The following ATG4A variants were observed in gnomAD, a reference collection of about 807,000 sequenced individuals.
ATG4A encodes the protein autophagy related 4A cysteine peptidase.
A neutral mutation model predicts 38.4 loss-of-function variants in ATG4A; 22 were observed. That is an observed-to-expected ratio of 0.57 (90% CI 0.41 to 0.82). The LOEUF (loss-of-function observed/expected upper bound fraction) is 0.82. Among genes scored for constraint, ATG4A ranks in the 40% least tolerant of loss-of-function variants. The pLI, the probability that ATG4A is intolerant of heterozygous loss-of-function variation, is 0.00. For synonymous variants in ATG4A, 86 were observed against 100.7 expected (o/e 0.85, Z 0.88); for missense variants, 220 against 290.0 (o/e 0.76, Z 1.75).
At chrX:108,151,941 A>G in intron 11 of ATG4A, 83 bp downstream of exon 11, 1 of 911,262 alleles carries the variant, frequency 1.1e-6, no homozygotes, top group Non-Finnish European at 1.5e-6. Flanking sequence ...ATAGTAAAAA[A>G]AAATCCTACT....
rs1363058118 is a variant in ATG4A, at chrX:108,150,268, A to G, written c.931A>G (p.Ile311Val). ...HCLQSPQRMN[I>V]LNLDPSVALG... Reference sequence around the variant, plus strand: ...CCTGCAGTCCCCACAGCGAATGAACATCCTAAACCTGGATCCTTCAGTTGC... The same window carrying G: ...CCTGCAGTCCCCACAGCGAATGAACGTCCTAAACCTGGATCCTTCAGTTGC... The change falls in exon 10 of 13, where the codon ATC (isoleucine) becomes GTC (valine). Residue 311 changes from isoleucine (I) to valine (V), a missense_variant. By Grantham distance (29) the Ile-to-Val change is conservative. Around this residue, in one of 3 missense-constraint regions of ATG4A, gnomAD observed 159 missense variants for 188.9 expected, o/e 0.84. Transcript: ENST00000372232. 1 of 1,212,209 alleles carries G rather than the reference A, an allele frequency of 8.2e-7. No individual in the cohort carries two copies. Among genetic ancestry groups the G allele is most frequent in the Non-Finnish European group, 1.1e-6 (1 of 895,598 alleles).
At chrX:108,098,178 A>T (rs887376547) in intron 1 of ATG4A, among the ~76,000 whole-genome samples, 5 of 110,835 alleles carry the variant, frequency 4.5e-5, no homozygotes, top group Non-Finnish European at 9.5e-5. Context: ...CCGTGTTTTG[A>T]TCCCACATGT....
intron 1 of ATG4A, among the ~76,000 whole-genome samples, chrX:108,109,410 T>C (rs1327205580): frequency 8.9e-6 from 1 of 112,251 alleles, no homozygotes; most frequent in East Asian, 2.8e-4. Flanking sequence ...ACATATTTTC[T>C]CCCATTCTGG....
At chrX:108,129,278 A>G (rs772557378) in intron 3 of ATG4A, among the ~76,000 whole-genome samples, 3 of 112,481 alleles carry the variant, frequency 2.7e-5, no homozygotes, top group Admixed American at 9.4e-5. Flanking sequence ...TATGACATGA[A>G]AGCACCTTGC....
At chrX:108,148,701 G>A (rs1474607965) in intron 9 of ATG4A, among the ~76,000 whole-genome samples, 1 of 111,554 alleles carries the variant, frequency 9.0e-6, no homozygotes, top group Non-Finnish European at 1.9e-5. Flanking sequence ...CCTTTCTGTG[G>A]TCTTAGGTAG....
At chrX:108,124,652 A>G (rs1375522020) in intron 1 of ATG4A, among the ~76,000 whole-genome samples, 2 of 110,599 alleles carry the variant, frequency 1.8e-5, no homozygotes, top group East Asian at 5.7e-4. Context: ...GGGTTTCACC[A>G]TGTTGGCCAG....
At chrX:108,089,617 C>T (rs1468923042), upstream of ATG4A, among the ~76,000 whole-genome samples, 2 of 111,019 alleles carry the variant, frequency 1.8e-5, no homozygotes, top group Non-Finnish European at 3.8e-5. Flanking sequence ...GCAGATCACC[C>T]GAGGTCAGGA....
intron 2 of ATG4A, 22 bp downstream of exon 2, chrX:108,126,209 C>G: frequency 9.0e-7 from 1 of 1,112,970 alleles, no homozygotes; most frequent in South Asian, 1.9e-5. Context: ...TAGCATTTGT[C>G]TGTAAGAACC....
At chrX:108,100,065 T>C (rs1349214132) in intron 1 of ATG4A, among the ~76,000 whole-genome samples, 1 of 111,914 alleles carries the variant, frequency 8.9e-6, no homozygotes, top group Admixed American at 9.4e-5. Context: ...ATCTTTACTA[T>C]GCTGAGTCTT....
chrX:108,143,762 A>G, intron 9 of ATG4A: 1 of 224,010 alleles, frequency 4.5e-6, no homozygotes, highest in Non-Finnish European at 8.4e-6. Flanking sequence ...TTGCTGGTGG[A>G]TCACTGGGGC....
Position 108,134,333 on chromosome X carries a change from A to C in ATG4A, c.395-6A>C. The stretch of plus-strand genomic sequence containing the variant: ...AACATGTTATTTTTTTCCACATTAA[A>C]AACAGCACAAATGGGTGTAGGAGAA... On this transcript the variant is annotated splice_region_variant and splice_polypyrimidine_tract_variant and intron_variant, in intron 5 of 12. Coordinates refer to ENST00000372232, the MANE Select transcript of ATG4A (RefSeq NM_052936.5). The C allele has an allele frequency of 8.3e-7, 1 of 1,207,316 alleles. No homozygotes were observed. Among genetic ancestry groups the C allele is most frequent in the Non-Finnish European group, 1.1e-6 (1 of 893,715 alleles).
At chrX:108,105,530 A>G (rs1187057696) in intron 1 of ATG4A, among the ~76,000 whole-genome samples, 2 of 110,929 alleles carry the variant, frequency 1.8e-5, no homozygotes, top group Non-Finnish European at 3.8e-5. Context: ...TGAGACCTAT[A>G]CTAGTACCTT....
intron 1 of ATG4A, among the ~76,000 whole-genome samples, chrX:108,124,387 G>A (rs1049892820): frequency 8.9e-6 from 1 of 112,332 alleles, no homozygotes; most frequent in East Asian, 2.8e-4. Context: ...TTGAATGACT[G>A]GAATTCTGTA....
intron 10 of ATG4A, among the ~76,000 whole-genome samples, chrX:108,151,017 T>G (rs1298031225): frequency 1.8e-5 from 2 of 112,315 alleles, no homozygotes; most frequent in South Asian, 3.7e-4. Flanking sequence ...TCTATAAATG[T>G]TAGTTACTCT....
chrX:108,133,027 A>AT (rs2033004436), intron 4 of ATG4A, among the ~76,000 whole-genome samples: 1 of 112,358 alleles, frequency 8.9e-6, no homozygotes, highest in African/African-American at 3.2e-5. Flanking sequence ...CCAGCTAATT[A>AT]GGATTTCCCC....
intron 12 of ATG4A, among the ~76,000 whole-genome samples, chrX:108,153,374 A>G (rs1267448139): frequency 8.9e-6 from 1 of 112,432 alleles, no homozygotes. Context: ...AATTGAGGCC[A>G]TCGATAATTC....
At chrX:108,123,481 C>T (rs1463935345) in intron 1 of ATG4A, among the ~76,000 whole-genome samples, 1 of 112,160 alleles carries the variant, frequency 8.9e-6, no homozygotes, top group Non-Finnish European at 1.9e-5. Flanking sequence ...TATGTAGGAC[C>T]TGTTCCTCTT....
At chrX:108,116,662 A>T (rs1330725617) in intron 1 of ATG4A, among the ~76,000 whole-genome samples, 3 of 111,637 alleles carry the variant, frequency 2.7e-5, no homozygotes, top group Non-Finnish European at 5.7e-5. Context: ...GTGTATCCGA[A>T]ACCCTTTAGG....
intron 1 of ATG4A, among the ~76,000 whole-genome samples, chrX:108,111,051 G>A (rs971256045): frequency 1.8e-5 from 2 of 110,473 alleles, no homozygotes; most frequent in South Asian, 7.8e-4. Context: ...TCACAGGCAC[G>A]TGCTACCACA....
Sources: allele counts gnomAD v4.1 joint callset (sites outside exome capture counted in the v4.1 genomes callset), GRCh38; gene constraint gnomAD v4.1.1; regional missense constraint gnomAD v4.1.1; transcripts MANE v1.5; gene names NCBI Gene and HGNC (gene_info 2026-07-23, HGNC 2026-07-21).